DDX4: variants seen among roughly 807,000 people sequenced by gnomAD.
DDX4 encodes the protein DEAD-box helicase 4.
DDX4 carries 25 observed loss-of-function variants against 100.0 expected under a neutral mutation model. The observed-to-expected ratio is 0.25, with a 90% confidence interval of 0.18 to 0.35. DDX4 has a LOEUF of 0.35. DDX4 is among the 10% of genes least tolerant of loss of function. DDX4 has a pLI of 1.00. For missense variants in DDX4, 635 were observed against 882.4 expected (o/e 0.72, Z 3.55); for synonymous variants, 259 against 275.7 (o/e 0.94, Z 0.60).
chr5:55,755,756 A>G (rs1041378502), intron 3 of DDX4, among the ~76,000 whole-genome samples: 2 of 151,938 alleles, frequency 1.3e-5, no homozygotes, highest in African/African-American at 4.8e-5. Flanking sequence ...GTACACATAG[A>G]TTCAATATGT....
At chr5:55,815,537 T>G in intron 21 of DDX4, 114 bp downstream of exon 21, 5 of 1,339,776 alleles carry the variant, frequency 3.7e-6, no homozygotes, top group Non-Finnish European at 4.8e-6. Context: ...TTTTCGTGCC[T>G]GGAAGGTAGC....
chr5:55,767,745 GA>G, intron 6 of DDX4, 135 bp from the exon 7 acceptor site: 1 of 613,138 alleles, frequency 1.6e-6, no homozygotes, highest in Non-Finnish European at 2.8e-6. Context: ...AAAATTATTT[GA>G]AGAAATATGT....
intron 3 of DDX4, among the ~76,000 whole-genome samples, chr5:55,748,248 T>C (rs1374230279): frequency 1.3e-5 from 2 of 152,234 alleles, no homozygotes; most frequent in East Asian, 3.8e-4. Context: ...ATTTTGCTTC[T>C]ACCATATAAA....
intron 7 of DDX4, among the ~76,000 whole-genome samples, chr5:55,773,770 G>A (rs772413357): frequency 2.0e-5 from 3 of 151,712 alleles, no homozygotes; most frequent in Middle Eastern, 3.2e-3. Context: ...GACTACAGGC[G>A]TGTACTACCA....
intron 1 of DDX4, 114 bp from the exon 2 acceptor site, chr5:55,738,836 C>CA: frequency 1.4e-6 from 1 of 701,728 alleles, no homozygotes; most frequent in Admixed American, 2.7e-5. Context: ...TTTGGGGTAT[C>CA]AGCACCTAGT....
intron 7 of DDX4, among the ~76,000 whole-genome samples, chr5:55,773,843 T>G (rs1244661209): frequency 6.6e-6 from 1 of 152,098 alleles, no homozygotes; most frequent in East Asian, 1.9e-4. Context: ...AGGCTGATAT[T>G]GAACTCCTGA....
intron 18 of DDX4, among the ~76,000 whole-genome samples, chr5:55,808,744 G>C (rs534636207): frequency 6.6e-6 from 1 of 152,376 alleles, no homozygotes; most frequent in African/African-American, 2.4e-5. Flanking sequence ...GTGCCTCCCA[G>C]TTAGGCTCCT....
rs140082369 is a variant in DDX4, at chr5:55,778,859, A to C, written c.395-1105A>C. Reference sequence around the variant, plus strand: ...CAGTGAGCCGAGATGATGCCACTGCACTCCAACCTGGGTGACAGAGTGAGA... The same window carrying C: ...CAGTGAGCCGAGATGATGCCACTGCCCTCCAACCTGGGTGACAGAGTGAGA... On this transcript the variant is annotated intron_variant, in intron 7 of 21. Transcript: ENST00000505374. 4.1e-4 allele frequency among the ~76,000 whole-genome samples: 62 copies of C among 150,946 alleles called. 1 individual carries two copies. The East Asian group carries it at 0.012, about 29-fold the overall frequency.
At chr5:55,743,247 T>C (rs1054570669) in intron 2 of DDX4, among the ~76,000 whole-genome samples, 2 of 152,176 alleles carry the variant, frequency 1.3e-5, no homozygotes, top group Non-Finnish European at 2.9e-5. Flanking sequence ...CCTCGGCTTG[T>C]GGCTGCATAT....
intron 6 of DDX4, 84 bp downstream of exon 6, chr5:55,764,148 C>A: frequency 9.8e-7 from 1 of 1,019,734 alleles, no homozygotes. Context: ...TCTCTTAGTC[C>A]GGGCCAATTC....
chr5:55,812,078 C>T (rs2112190613), intron 18 of DDX4, among the ~76,000 whole-genome samples: 1 of 152,150 alleles, frequency 6.6e-6, no homozygotes, highest in Admixed American at 6.5e-5. Flanking sequence ...TAAAATGATT[C>T]TGATTCTTGT....
At chr5:55,755,017 T>C (rs1460301636) in intron 3 of DDX4, among the ~76,000 whole-genome samples, 2 of 152,158 alleles carry the variant, frequency 1.3e-5, no homozygotes, top group Non-Finnish European at 2.9e-5. Flanking sequence ...TACCGTTGAA[T>C]CCCTTTTTTT....
intron 18 of DDX4, among the ~76,000 whole-genome samples, chr5:55,799,171 G>A (rs895724822): frequency 3.3e-5 from 5 of 151,888 alleles, no homozygotes. Flanking sequence ...GGCCTCAAGC[G>A]ATCCTCCCAC....
At chr5:55,790,325 T>G (rs1002264785) in intron 15 of DDX4, among the ~76,000 whole-genome samples, 4 of 152,024 alleles carry the variant, frequency 2.6e-5, no homozygotes, top group African/African-American at 9.7e-5. Flanking sequence ...TTTGCATTTT[T>G]AGTAGAGACT....
intron 3 of DDX4, among the ~76,000 whole-genome samples, chr5:55,751,676 G>A (rs1759560825): frequency 6.6e-6 from 1 of 152,120 alleles, no homozygotes; most frequent in Admixed American, 6.6e-5. Context: ...TGATTGGCAG[G>A]CATTGTTAAT....
rs1229356938 is a variant in DDX4, at chr5:55,785,499, A to G, written c.721+5A>G. The G allele has an allele frequency of 2.5e-6, 4 of 1,590,880 alleles. No individual in the cohort carries two copies. The African/African-American group carries it at 4.0e-5, about 16-fold the overall frequency. ...GAGAAAGTAGTGATACTCAAGGTATATTAACATTTGTGTGACTCACATAGA... is the reference window on the plus strand; with the variant it reads ...GAGAAAGTAGTGATACTCAAGGTATGTTAACATTTGTGTGACTCACATAGA... On this transcript the variant is annotated splice_donor_5th_base_variant and intron_variant, in intron 12 of 21. Transcript: ENST00000505374.
intron 18 of DDX4, 131 bp from the exon 19 acceptor site, chr5:55,813,542 C>G: frequency 7.9e-7 from 1 of 1,261,286 alleles, no homozygotes; most frequent in Non-Finnish European, 1.0e-6. Flanking sequence ...ATGTACCAGG[C>G]TTGGCTGTGG....
In DDX4 at chr5:55,789,765, G is replaced by A. The variant is rs544707667; in HGVS notation, c.1173-811G>A. ...GATTCTTCTGAACTTGGGACTCTGTGTGACTGGACAGGTTGCACACTCATG... is the reference window on the plus strand; with the variant it reads ...GATTCTTCTGAACTTGGGACTCTGTATGACTGGACAGGTTGCACACTCATG... On this transcript the variant is annotated intron_variant, in intron 15 of 21. Coordinates refer to ENST00000505374, the MANE Select transcript of DDX4 (RefSeq NM_024415.3). 3.9e-5 allele frequency among the ~76,000 whole-genome samples: 6 copies of A among 152,196 alleles called. No individual in the cohort carries two copies. In the South Asian group the frequency reaches 1.2e-3, roughly 32 times the overall value.
intron 18 of DDX4, among the ~76,000 whole-genome samples, chr5:55,800,859 T>G (rs1255431664): frequency 5.3e-5 from 8 of 152,216 alleles, no homozygotes; most frequent in Non-Finnish European, 1.5e-5. Flanking sequence ...ATCCTCAAAT[T>G]ATATAAATTT....
Sources: allele counts gnomAD v4.1 joint callset (sites outside exome capture counted in the v4.1 genomes callset), GRCh38; gene constraint gnomAD v4.1.1; transcripts MANE v1.5; gene names NCBI Gene and HGNC (gene_info 2026-07-23, HGNC 2026-07-21).